Variants in GTF2IRD1 observed in about 807,000 individuals in gnomAD.
GTF2IRD1 encodes GTF2I repeat domain containing 1.
Under a neutral mutation model 113.2 loss-of-function variants are expected in GTF2IRD1, and 26 were observed. The ratio of observed to expected loss-of-function variants is 0.23; its 90% CI spans 0.17 to 0.32. The LOEUF (loss-of-function observed/expected upper bound fraction) is 0.32. Among genes scored for constraint, GTF2IRD1 ranks in the 10% least tolerant of loss-of-function variants. The pLI is 1.00. For synonymous variants in GTF2IRD1, 484 were observed against 529.1 expected (o/e 0.91, Z 1.17); for missense variants, 864 against 1,280.8 (o/e 0.67, Z 4.97).
chr7:74,558,720 G>GT, intron 20 of GTF2IRD1, 141 bp from the exon 21 acceptor site: 1 of 619,696 alleles, frequency 1.6e-6, no homozygotes, highest in Non-Finnish European at 2.8e-6. Context: ...CCTTTCCACA[G>GT]TGCTACACTA....
At position 74,519,558 on chromosome 7, in the gene GTF2IRD1, C is replaced by T. The variant is rs1554345414; in HGVS notation, c.755C>T (p.Ser252Phe). Residue 252 changes from serine (S) to phenylalanine (F), a missense_variant, in exon 6 of 27, where the codon TCC (serine) becomes TTC (phenylalanine). Coordinates refer to ENST00000424337, the MANE Select transcript of GTF2IRD1 (RefSeq NM_005685.4). ...QDLPPTATSS[S>F]MASFLYSTAL... Reference sequence around the variant, plus strand: ...CTGCCCCCAACCGCCACCTCCTCCTCCATGGCCAGCTTCCTGTACAGCACG... The same window carrying T: ...CTGCCCCCAACCGCCACCTCCTCCTTCATGGCCAGCTTCCTGTACAGCACG... 4 of 1,612,444 alleles carry T rather than the reference C, an allele frequency of 2.5e-6. No homozygotes were observed. Among genetic ancestry groups the T allele is most frequent in the Admixed American group, 1.7e-5 (1 of 59,884 alleles).
chr7:74,590,427 C>T (rs1447479295), intron 23 of GTF2IRD1, among the ~76,000 whole-genome samples: 6 of 144,204 alleles, frequency 4.2e-5, no homozygotes, highest in Non-Finnish European at 9.0e-5. Context: ...CTCACTCTGT[C>T]GCCCAGGCTG....
At chr7:74,548,756 T>C (rs1233745750) in intron 17 of GTF2IRD1, among the ~76,000 whole-genome samples, 2 of 151,720 alleles carry the variant, frequency 1.3e-5, no homozygotes, top group African/African-American at 4.8e-5. Context: ...AATTTTAAAT[T>C]AGCTGGGCAT....
intron 20 of GTF2IRD1, among the ~76,000 whole-genome samples, 177 bp downstream of exon 20, chr7:74,557,899 A>G (rs1799697289): frequency 6.6e-6 from 1 of 152,162 alleles, no homozygotes; most frequent in Non-Finnish European, 1.5e-5. Context: ...ATTGCTGTGA[A>G]TAAAACAGAC....
Position 74,512,770 on chromosome 7 carries a change from T to C in GTF2IRD1, c.124-60T>C. Reference sequence around the variant, plus strand: ...GCTCACATCCCACCCCCGAAGTGGATACTAGAGGTGTTCGGAGTATGGGGA... The same window carrying C: ...GCTCACATCCCACCCCCGAAGTGGACACTAGAGGTGTTCGGAGTATGGGGA... On this transcript the variant is annotated intron_variant, in intron 2 of 26. Transcript: ENST00000424337. This position sits in a 1 kb window ranked among gnomAD's most constrained non-coding sequence, Gnocchi z 4.4. 1 of 1,557,236 alleles carries C rather than the reference T, an allele frequency of 6.4e-7. No homozygotes were observed. The highest frequency in any genetic ancestry group is 2.3e-5 in the East Asian group (1 of 44,402).
intron 1 of GTF2IRD1, among the ~76,000 whole-genome samples, chr7:74,460,668 G>T (rs1270276861): frequency 6.6e-6 from 1 of 152,094 alleles, no homozygotes; most frequent in Non-Finnish European, 1.5e-5. Flanking sequence ...GGAAGTCCTT[G>T]TCTTCAGGGA....
At chr7:74,563,774 T>C (rs1291110766) in intron 22 of GTF2IRD1, among the ~76,000 whole-genome samples, 1 of 151,780 alleles carries the variant, frequency 6.6e-6, no homozygotes, top group East Asian at 1.9e-4. Flanking sequence ...TAGTCTCAGC[T>C]ACTCAGGAGG....
intron 2 of GTF2IRD1, among the ~76,000 whole-genome samples, chr7:74,509,350 C>G (rs1286863954): frequency 1.3e-5 from 2 of 150,570 alleles, no homozygotes; most frequent in Non-Finnish European, 3.0e-5. Flanking sequence ...GAGGGGGACT[C>G]CGTCTCAAAA....
At chr7:74,570,948 A>G (rs1486938836) in intron 22 of GTF2IRD1, among the ~76,000 whole-genome samples, 1 of 152,124 alleles carries the variant, frequency 6.6e-6, no homozygotes, top group Non-Finnish European at 1.5e-5. Flanking sequence ...CTCCCTGCGT[A>G]TGGGCCCAGC....
intron 9 of GTF2IRD1, among the ~76,000 whole-genome samples, chr7:74,533,806 G>A (rs587665192): frequency 2.0e-5 from 3 of 152,282 alleles, no homozygotes; most frequent in African/African-American, 7.2e-5. Context: ...GGCTGAGGCA[G>A]GAGGATCACT....
chr7:74,582,582 A>AT (rs1801483260), intron 22 of GTF2IRD1, among the ~76,000 whole-genome samples: 1 of 152,134 alleles, frequency 6.6e-6, no homozygotes, highest in Non-Finnish European at 1.5e-5. Flanking sequence ...GATATGTGAG[A>AT]TTAGATCCAG....
intron 6 of GTF2IRD1, among the ~76,000 whole-genome samples, 174 bp from the exon 7 acceptor site, chr7:74,521,034 C>G (rs1424178344): frequency 6.6e-6 from 1 of 151,954 alleles, no homozygotes; most frequent in African/African-American, 2.4e-5. Context: ...TGCAGAATGT[C>G]TTAGACCTCT....
chr7:74,500,436 A>G (rs1305193639), intron 1 of GTF2IRD1, among the ~76,000 whole-genome samples: 7 of 152,022 alleles, frequency 4.6e-5, no homozygotes, highest in Middle Eastern at 6.8e-3. Flanking sequence ...AAAAAAAAAA[A>G]AAGAAAAAAA....
At chr7:74,537,533 G>T (rs1439392057) in intron 11 of GTF2IRD1, among the ~76,000 whole-genome samples, 1 of 151,908 alleles carries the variant, frequency 6.6e-6, no homozygotes, top group Non-Finnish European at 1.5e-5. Context: ...CAGGTCTGAT[G>T]CCTGTCCTGA....
intron 14 of GTF2IRD1, among the ~76,000 whole-genome samples, chr7:74,541,577 G>T (rs1554351714): frequency 1.3e-5 from 2 of 152,044 alleles, no homozygotes; most frequent in African/African-American, 4.8e-5. Flanking sequence ...GGTGAGCCGT[G>T]ATGGTGCCAC....
At position 74,538,108 on chromosome 7, in the gene GTF2IRD1, A is replaced by G. The variant is rs587682146; in HGVS notation, c.1410-28A>G. 5 of 1,610,614 alleles carry G rather than the reference A, an allele frequency of 3.1e-6. No individual in the cohort carries two copies. In the South Asian group the frequency reaches 5.5e-5, roughly 18 times the overall value. On this transcript the variant is annotated intron_variant, in intron 11 of 26. Transcript: ENST00000424337. ...CAGGGTGGCCCTGGACTTGGCTGAC[A>G]GGTGTCATTTCCTGCTTCCCTTCAC...
intron 19 of GTF2IRD1, among the ~76,000 whole-genome samples, chr7:74,556,483 G>A (rs1370279785): frequency 6.6e-6 from 1 of 151,380 alleles, no homozygotes; most frequent in Admixed American, 6.6e-5. Context: ...ACCACACCCG[G>A]CTAATTTTTG....
chr7:74,554,228 C>A, intron 17 of GTF2IRD1, among the ~76,000 whole-genome samples: 1 of 152,184 alleles, frequency 6.6e-6, no homozygotes, highest in East Asian at 1.9e-4. Flanking sequence ...CCCCTTCTGG[C>A]CAGCATGATT....
chr7:74,474,495 G>A (rs917312963), intron 1 of GTF2IRD1, among the ~76,000 whole-genome samples: 2 of 152,216 alleles, frequency 1.3e-5, no homozygotes, highest in African/African-American at 2.4e-5. Flanking sequence ...GGTTGACAGT[G>A]AGCCATGCCT....
Sources: allele counts gnomAD v4.1 joint callset (sites outside exome capture counted in the v4.1 genomes callset), GRCh38; gene constraint gnomAD v4.1.1; non-coding constraint Gnocchi (gnomAD v3.1); transcripts MANE v1.5; gene names NCBI Gene and HGNC (gene_info 2026-07-23, HGNC 2026-07-21).